Variants in PLXNA4 observed in about 807,000 individuals in gnomAD.
PLXNA4 encodes plexin-A4.
A neutral mutation model predicts 191.8 loss-of-function variants in PLXNA4; 44 were observed. The ratio of observed to expected loss-of-function variants is 0.23; its 90% confidence interval spans 0.18 to 0.29. The LOEUF is 0.29. Among genes scored for constraint, PLXNA4 ranks in the 10% least tolerant of loss-of-function variants. The pLI is 1.00. For missense variants in PLXNA4, 1,800 were observed against 2,488.8 expected (o/e 0.72, Z 5.89); for synonymous variants, 1,082 against 1,009.5 (o/e 1.07, Z -1.36).
At position 132,489,349 on chromosome 7, in the gene PLXNA4, A is replaced by G. The variant is rs141553520; in HGVS notation, c.1314T>C (p.Tyr438=). Residue 438 remains tyrosine (Y), a synonymous_variant, in exon 3 of 32, where the codon TAT becomes TAC. Coordinates refer to ENST00000321063, the MANE Select transcript of PLXNA4 (RefSeq NM_020911.2). ...AGGCCAGAGAGTGGTTCTTGTAGAC[A>G]TATGCGATGACAGACGTCATGCGGT... ...DRDRMTSVIA[Y]VYKNHSLAFV... 4.9e-5 allele frequency: 79 copies of G among 1,604,376 alleles called. No homozygotes were observed. In the African/African-American group the frequency reaches 9.6e-4, roughly 20 times the overall value.
chr7:132,634,241 CT>C (rs1288173297), intron 2 of PLXNA4, among the ~76,000 whole-genome samples: 11 of 152,148 alleles, frequency 7.2e-5, no homozygotes, highest in African/African-American at 2.7e-4. Context: ...GTAGAGGATA[CT>C]AAGTGAAAAT....
intron 23 of PLXNA4, 110 bp from the exon 24 acceptor site, chr7:132,164,398 T>G: frequency 6.9e-7 from 1 of 1,449,686 alleles, no homozygotes; most frequent in Non-Finnish European, 9.2e-7. Flanking sequence ...TCCCTGCACC[T>G]GCCCCCACCT....
At chr7:132,397,607 C>T (rs79247027) in intron 3 of PLXNA4, among the ~76,000 whole-genome samples, 3,200 of 152,252 alleles carry the variant, frequency 0.021, 103 homozygotes, top group African/African-American at 0.073. Flanking sequence ...CAGAGAGAAC[C>T]AGGGATTCAT....
At chr7:132,415,515 G>A (rs1794630344) in intron 3 of PLXNA4, among the ~76,000 whole-genome samples, 3 of 152,156 alleles carry the variant, frequency 2.0e-5, no homozygotes, top group Admixed American at 2.0e-4. Flanking sequence ...ATACACATGT[G>A]GGCCCTGGGA....
intron 3 of PLXNA4, among the ~76,000 whole-genome samples, chr7:132,427,964 T>C (rs1048988146): frequency 6.6e-6 from 1 of 152,010 alleles, no homozygotes; most frequent in Admixed American, 6.6e-5. Context: ...CCCCTCCACA[T>C]CCCCTCTCCT....
At chr7:132,355,103 C>T (rs1201155278) in intron 3 of PLXNA4, among the ~76,000 whole-genome samples, 1 of 152,156 alleles carries the variant, frequency 6.6e-6, no homozygotes, top group African/African-American at 2.4e-5. Flanking sequence ...GGGCCCTGGG[C>T]TGGTTCATGA....
chr7:132,514,616 T>G (rs752396346), intron 1 of PLXNA4, among the ~76,000 whole-genome samples: 1 of 152,068 alleles, frequency 6.6e-6, no homozygotes, highest in Non-Finnish European at 1.5e-5. Context: ...TTGAAGGTCA[T>G]GAATAGAACA....
chr7:132,316,301 A>C (rs1801941882), intron 3 of PLXNA4, among the ~76,000 whole-genome samples: 1 of 152,218 alleles, frequency 6.6e-6, no homozygotes, highest in Non-Finnish European at 1.5e-5. Context: ...TTAAGGGAAC[A>C]ATACATTTCT....
At chr7:132,538,251 A>G (rs1260665176) in intron 1 of PLXNA4, among the ~76,000 whole-genome samples, 1 of 152,238 alleles carries the variant, frequency 6.6e-6, no homozygotes, top group Non-Finnish European at 1.5e-5. Context: ...CAAGAGAGGA[A>G]AGGAGTCCTG....
At chr7:132,322,184 C>CTTTTTTTTTT (rs5887566) in intron 3 of PLXNA4, among the ~76,000 whole-genome samples, 31 of 122,474 alleles carry the variant, frequency 2.5e-4, no homozygotes, top group Admixed American at 5.7e-4. Flanking sequence ...CCTAAAAGGG[C>CTTTTTTTTTT]TTTTTTTTTT....
intron 14 of PLXNA4, among the ~76,000 whole-genome samples, chr7:132,192,977 A>G (rs749450738): frequency 2.6e-5 from 4 of 152,026 alleles, no homozygotes; most frequent in African/African-American, 7.2e-5. Flanking sequence ...GTGTGGGTAG[A>G]GGGAAATGGA....
At chr7:132,289,525 A>T (rs1423963775) in intron 4 of PLXNA4, among the ~76,000 whole-genome samples, 2 of 152,056 alleles carry the variant, frequency 1.3e-5, no homozygotes, top group African/African-American at 4.8e-5. Context: ...TTTTAAAAAA[A>T]TTTATTTTTA....
At chr7:132,386,561 G>C (rs906506274) in intron 3 of PLXNA4, among the ~76,000 whole-genome samples, 4 of 152,188 alleles carry the variant, frequency 2.6e-5, no homozygotes, top group Non-Finnish European at 5.9e-5. Flanking sequence ...AAGGGAACAG[G>C]CTGCCCAGGC....
At chr7:132,634,553 A>G (rs768678763) in intron 2 of PLXNA4, among the ~76,000 whole-genome samples, 1 of 151,988 alleles carries the variant, frequency 6.6e-6, no homozygotes, top group Non-Finnish European at 1.5e-5. Context: ...TAAATTCAAT[A>G]CTCCAGAAAC....
At chr7:132,296,408 A>C (rs1449053636) in intron 4 of PLXNA4, among the ~76,000 whole-genome samples, 1 of 150,966 alleles carries the variant, frequency 6.6e-6, no homozygotes, top group Non-Finnish European at 1.5e-5. Context: ...TCATATTACC[A>C]GCTTATACTT....
At chr7:132,442,072 C>G (rs112700291) in intron 3 of PLXNA4, among the ~76,000 whole-genome samples, 10 of 152,286 alleles carry the variant, frequency 6.6e-5, no homozygotes, top group African/African-American at 2.4e-4. Context: ...GAACCACGTG[C>G]TCACCCTATC....
At chr7:132,372,940 A>G (rs1160439152) in intron 3 of PLXNA4, among the ~76,000 whole-genome samples, 1 of 152,252 alleles carries the variant, frequency 6.6e-6, no homozygotes, top group Admixed American at 6.5e-5. Context: ...GCATTTCTCC[A>G]GCATTTATTA....
chr7:132,305,105 G>A (rs572098424), intron 3 of PLXNA4, among the ~76,000 whole-genome samples: 2 of 152,196 alleles, frequency 1.3e-5, no homozygotes, highest in Non-Finnish European at 2.9e-5. Context: ...GGGGATTCTT[G>A]GAGACTCTTA....
At chr7:132,527,472 G>A (rs74591276) in intron 1 of PLXNA4, among the ~76,000 whole-genome samples, 7 of 144,926 alleles carry the variant, frequency 4.8e-5, no homozygotes, top group Non-Finnish European at 7.5e-5. Flanking sequence ...TCTCCACGTC[G>A]TAGAGATTTT....
Sources: allele counts gnomAD v4.1 joint callset (sites outside exome capture counted in the v4.1 genomes callset), GRCh38; gene constraint gnomAD v4.1.1; transcripts MANE v1.5; gene names NCBI Gene and HGNC (gene_info 2026-07-23, HGNC 2026-07-21).